ADGRE3: variants seen among roughly 807,000 people sequenced by gnomAD.
ADGRE3 encodes EGF-like module receptor 3.
Under a neutral mutation model 80.1 loss-of-function variants are expected in ADGRE3, and 88 were observed. The observed-to-expected ratio is 1.10, with a 90% confidence interval of 0.93 to 1.31. ADGRE3 has a LOEUF of 1.31. Among genes scored for constraint, ADGRE3 ranks in the 40% most tolerant of loss-of-function variants. The pLI, the probability that ADGRE3 is intolerant of heterozygous loss-of-function variation, is 0.00. For missense variants in ADGRE3, 715 were observed against 776.5 expected (o/e 0.92, Z 0.94); for synonymous variants, 281 against 294.8 (o/e 0.95, Z 0.48).
intron 4 of ADGRE3, among the ~76,000 whole-genome samples, chr19:14,660,937 CTTT>C (rs35730102): frequency 1.2e-5 from 1 of 83,508 alleles, no homozygotes; most frequent in East Asian, 3.9e-4. Context: ...GTCATATTTC[CTTT>C]TTTTTTTTTT....
At chr19:14,628,764 G>A (rs1231131411) in intron 14 of ADGRE3, 2 of 320,828 alleles carry the variant, frequency 6.2e-6, no homozygotes, top group Non-Finnish European at 1.2e-5. Context: ...AAGGAAGGCT[G>A]TGTGATCCTG....
intron 2 of ADGRE3, 78 bp from the exon 3 acceptor site, chr19:14,663,618 C>T: frequency 6.7e-7 from 1 of 1,489,836 alleles, no homozygotes; most frequent in Admixed American, 1.8e-5. Flanking sequence ...GCCTCTTGAT[C>T]ACCTGAGGTC....
chr19:14,607,550 A>ATTATTTATTTAT, the ADGRE3 span, among the ~76,000 whole-genome samples: 19 of 141,402 alleles, frequency 1.3e-4, no homozygotes, highest in African/African-American at 3.0e-4. Flanking sequence ...ATTTTATTTT[A>ATTATTTATTTAT]TTATTTATTT....
chr19:14,604,006 T>C, the ADGRE3 span, among the ~76,000 whole-genome samples: 1 of 152,220 alleles, frequency 6.6e-6, no homozygotes, highest in Non-Finnish European at 1.5e-5. Flanking sequence ...CATCCCACTC[T>C]TCCATCAGCA....
chr19:14,618,839 T>C (rs1216780043), downstream of ADGRE3, among the ~76,000 whole-genome samples: 2 of 44,744 alleles, frequency 4.5e-5, no homozygotes, highest in African/African-American at 1.4e-4. Flanking sequence ...AGAGCGAAAC[T>C]CCATCTCAAA....
chr19:14,665,685 T>G lies in ADGRE3; in HGVS notation c.77-2145A>C, dbSNP rs111287636. Among the ~76,000 whole-genome samples the G allele has an allele frequency of 8.3e-3, 1,257 of 150,976 alleles. 16 individuals carry two copies. Among genetic ancestry groups the G allele is most frequent in the African/African-American group, 0.029 (1,203 of 41,168 alleles). The stretch of plus-strand genomic sequence containing the variant: ...AAAAAATTTTTTTGTAGAGATGGGG[T>G]TCTTGCTATGTTGCCTAGGCTGTTC... On this transcript the variant is annotated intron_variant, in intron 2 of 15. Transcript: ENST00000253673.
downstream of ADGRE3, among the ~76,000 whole-genome samples, chr19:14,614,176 G>A (rs10407339): frequency 7.5e-3 from 1,145 of 152,284 alleles, 12 homozygotes; most frequent in African/African-American, 0.026. Context: ...AGCCTGCTGA[G>A]TGGGTGGGTG....
In ADGRE3 at chr19:14,625,576, C is replaced by A. The variant is rs751299196; in HGVS notation, c.1836G>T (p.Trp612Cys). The A allele has an allele frequency of 1.9e-6, 3 of 1,613,172 alleles. No homozygotes were observed. The East Asian group carries it at 6.7e-5, about 36-fold the overall frequency. ...ATTTTGATTTTACGATCTCTCTAAA[C>A]CACTTTTGATATTGTTTCTGGACCT... Reference protein sequence around the residue: ...SQQVQKQYQKWFREIVKSKSE... With the variant: ...SQQVQKQYQKCFREIVKSKSE... Residue 612 changes from tryptophan to cysteine, a missense_variant, in exon 15 of 16, where the codon TGG (tryptophan) becomes TGT (cysteine). By Grantham distance (215) the Trp-to-Cys change is radical. Transcript: ENST00000253673.
At chr19:14,669,550 G>A (rs574404144) in intron 1 of ADGRE3, among the ~76,000 whole-genome samples, 31 of 152,026 alleles carry the variant, frequency 2.0e-4, no homozygotes, top group East Asian at 3.9e-4. Flanking sequence ...GTGCAGTGGC[G>A]CGATCTTGGC....
chr19:14,654,970 T>C lies in ADGRE3; in HGVS notation c.577+12A>G. ...AGTCCCCAGGGTGTATCAGTCCTCA[T>C]TATTGTCTTACCTACACTATCGTTT... On this transcript the variant is annotated intron_variant, in intron 6 of 15. Coordinates refer to ENST00000253673, the MANE Select transcript of ADGRE3 (RefSeq NM_032571.5). 6.2e-7 allele frequency: 1 copy of C among 1,611,508 alleles called. No homozygotes were observed. Among genetic ancestry groups the C allele is most frequent in the Non-Finnish European group, 8.5e-7 (1 of 1,178,290 alleles).
At chr19:14,607,731 C>T in the ADGRE3 span, among the ~76,000 whole-genome samples, 9 of 151,854 alleles carry the variant, frequency 5.9e-5, no homozygotes, top group South Asian at 1.5e-3. Context: ...CACCCGCCGT[C>T]GTGCCTGGCT....
chr19:14,612,934 T>A, the ADGRE3 span, among the ~76,000 whole-genome samples: 2 of 151,968 alleles, frequency 1.3e-5, no homozygotes, highest in Admixed American at 6.6e-5. Context: ...AATTTATTTT[T>A]TTTTTTTTTG....
chr19:14,653,562 T>A (rs1971664549), intron 6 of ADGRE3, among the ~76,000 whole-genome samples: 2 of 151,752 alleles, frequency 1.3e-5, no homozygotes, highest in South Asian at 4.2e-4. Context: ...TTACATGCAC[T>A]TTCATTATCT....
chr19:14,660,261 T>C (rs1360379498), intron 4 of ADGRE3, among the ~76,000 whole-genome samples: 5 of 152,098 alleles, frequency 3.3e-5, no homozygotes, highest in Admixed American at 6.6e-5. Context: ...GTTTAAGAGA[T>C]TAACATCAGA....
chr19:14,616,927 TG>T (rs541426287), downstream of ADGRE3, among the ~76,000 whole-genome samples: 1,181 of 151,656 alleles, frequency 7.8e-3, 16 homozygotes, highest in African/African-American at 0.028. Flanking sequence ...CCTGAGTAGC[TG>T]GGGATTACAG....
rs143668769 is a variant in ADGRE3 at position 14,664,327 on chromosome 19, C to T, written c.77-787G>A. Among the ~76,000 whole-genome samples, 31 of 152,270 alleles carry T rather than the reference C, an allele frequency of 2.0e-4. No homozygotes were observed. In the East Asian group the frequency reaches 5.6e-3, roughly 28 times the overall value. ...TGGCACATGCCTGTAATCCCAGCTA[C>T]TCAGGGGGCTGAGGCAGGAGAATGG... On this transcript the variant is annotated intron_variant, in intron 2 of 15. Coordinates refer to ENST00000253673, the MANE Select transcript of ADGRE3 (RefSeq NM_032571.5).
intron 5 of ADGRE3, among the ~76,000 whole-genome samples, chr19:14,656,803 G>C (rs1436712911): frequency 6.6e-6 from 1 of 152,136 alleles, no homozygotes; most frequent in Non-Finnish European, 1.5e-5. Flanking sequence ...AAAATTTGGG[G>C]CTGCTCTTCA....
intron 15 of ADGRE3, among the ~76,000 whole-genome samples, chr19:14,624,107 T>C (rs1237537779): frequency 6.6e-6 from 1 of 151,820 alleles, no homozygotes; most frequent in Non-Finnish European, 1.5e-5. Context: ...TTTTTTTTTT[T>C]TTTTGAGACA....
intron 1 of ADGRE3, among the ~76,000 whole-genome samples, chr19:14,671,248 CAGAAGTCTTA>C (rs1369802372): frequency 1.3e-5 from 2 of 152,154 alleles, no homozygotes; most frequent in African/African-American, 4.8e-5. Context: ...GTCTGGAAGT[CAGAAGTCTTA>C]AATCAGCCTC....
Sources: gnomAD v4.1 joint callset for allele counts (sites outside exome capture counted in the v4.1 genomes callset) on GRCh38, gnomAD v4.1.1 for gene constraint, MANE v1.5 for transcripts, NCBI Gene and HGNC (gene_info 2026-07-23, HGNC 2026-07-21) for gene names.